ELMO1: variants seen among roughly 807,000 people sequenced by gnomAD.
The protein encoded by ELMO1 is engulfment and cell motility 1, also known as engulfment and cell motility protein 1.
In ELMO1, 26 loss-of-function variants were observed where a neutral mutation model predicts 98.9. That is an observed-to-expected ratio of 0.26 (90% CI 0.19 to 0.36). ELMO1 has a LOEUF of 0.36. Ranked by LOEUF, ELMO1 falls within the 10% of genes least tolerant of loss-of-function variation. The pLI, the probability that ELMO1 is intolerant of heterozygous loss-of-function variation, is 1.00. For missense variants in ELMO1, 627 were observed against 935.2 expected (o/e 0.67, Z 4.30); for synonymous variants, 346 against 346.0 (o/e 1.00, Z 0.00).
intron 1 of ELMO1, among the ~76,000 whole-genome samples, chr7:37,369,035 A>C (rs1488213327): frequency 1.3e-5 from 2 of 152,240 alleles, no homozygotes; most frequent in African/African-American, 4.8e-5. Context: ...ATAAAGCAAT[A>C]AAAGTTATTG....
intron 15 of ELMO1, among the ~76,000 whole-genome samples, chr7:37,077,973 T>C (rs568400975): frequency 6.6e-6 from 1 of 152,324 alleles, no homozygotes; most frequent in South Asian, 2.1e-4. Flanking sequence ...CTTTTATTTT[T>C]TATGTCATAA....
intron 14 of ELMO1, among the ~76,000 whole-genome samples, chr7:37,129,413 G>T: frequency 6.6e-6 from 1 of 152,090 alleles, no homozygotes; most frequent in Admixed American, 6.6e-5. Flanking sequence ...TGATGTCTAC[G>T]TGGGTCTCAG....
At chr7:36,939,849 C>A (rs1038949821) in intron 16 of ELMO1, among the ~76,000 whole-genome samples, 3 of 152,172 alleles carry the variant, frequency 2.0e-5, no homozygotes, top group Non-Finnish European at 4.4e-5. Context: ...GGCATCTGAC[C>A]CACAATAAGA....
chr7:37,149,635 G>A (rs1788229306), intron 13 of ELMO1, among the ~76,000 whole-genome samples: 1 of 152,146 alleles, frequency 6.6e-6, no homozygotes, highest in South Asian at 2.1e-4. Context: ...GAATCCAGAA[G>A]CTGTGACACA....
chr7:36,977,548 T>A (rs1790661796), intron 16 of ELMO1, among the ~76,000 whole-genome samples: 1 of 152,386 alleles, frequency 6.6e-6, no homozygotes, highest in African/African-American at 2.4e-5. Flanking sequence ...TAGATCACTT[T>A]AGTTGCAAAT....
chr7:36,979,669 G>C (rs1790880834), intron 16 of ELMO1, among the ~76,000 whole-genome samples: 1 of 152,184 alleles, frequency 6.6e-6, no homozygotes, highest in South Asian at 2.1e-4. Context: ...AATGTTGGTG[G>C]TTTTCAAACC....
intron 15 of ELMO1, among the ~76,000 whole-genome samples, chr7:37,077,890 G>A (rs1026194452): frequency 2.0e-5 from 3 of 152,198 alleles, no homozygotes; most frequent in African/African-American, 7.2e-5. Context: ...TGTACCTCCT[G>A]CCTTCGTGAG....
chr7:36,967,091 AC>A (rs1324873880), intron 16 of ELMO1, among the ~76,000 whole-genome samples: 2 of 152,230 alleles, frequency 1.3e-5, no homozygotes, highest in African/African-American at 4.8e-5. Context: ...GGACATTATA[AC>A]AAACGCCTCT....
intron 10 of ELMO1, 87 bp from the exon 11 acceptor site, chr7:37,216,782 G>A: frequency 7.4e-7 from 1 of 1,358,502 alleles, no homozygotes; most frequent in East Asian, 2.3e-5. Flanking sequence ...CCTGGGGTGT[G>A]CTTCGTAACT....
chr7:36,935,139 G>A (rs1786406302), intron 16 of ELMO1, among the ~76,000 whole-genome samples: 1 of 152,132 alleles, frequency 6.6e-6, no homozygotes, highest in Admixed American at 6.5e-5. Context: ...TTGAATCATG[G>A]GGGCGGTTCC....
intron 15 of ELMO1, among the ~76,000 whole-genome samples, chr7:37,083,072 G>C (rs144289967): frequency 9.2e-5 from 14 of 152,144 alleles, no homozygotes; most frequent in African/African-American, 3.4e-4. Context: ...GCATTTCCCC[G>C]CCTAGGAACA....
In ELMO1 at chr7:36,953,097, C is replaced by G. The variant is rs547218917; in HGVS notation, c.1438-58080G>C. On this transcript the variant is annotated intron_variant, in intron 16 of 21. Transcript: ENST00000310758. Reference sequence around the variant, plus strand: ...TCTCCTGCCTCAGCCTCCCGAGTAGCTGGGACTACAGGCACCCGCCACCAC... The same window carrying G: ...TCTCCTGCCTCAGCCTCCCGAGTAGGTGGGACTACAGGCACCCGCCACCAC... 5.3e-5 allele frequency among the ~76,000 whole-genome samples: 8 copies of G among 151,264 alleles called. No individual in the cohort carries two copies. The Admixed American group carries it at 5.3e-4, about 10-fold the overall frequency.
intron 17 of ELMO1, among the ~76,000 whole-genome samples, chr7:36,892,272 G>A (rs1805622744): frequency 6.6e-6 from 1 of 152,170 alleles, no homozygotes. Context: ...TCAGGCCCCA[G>A]CCAAGTTGCT....
intron 1 of ELMO1, among the ~76,000 whole-genome samples, chr7:37,355,303 C>T (rs758364169): frequency 4.6e-5 from 7 of 152,156 alleles, no homozygotes; most frequent in Admixed American, 1.3e-4. Context: ...GATAAAATAT[C>T]TATAAAGCAA....
intron 20 of ELMO1, among the ~76,000 whole-genome samples, chr7:36,864,041 T>A (rs1802838557): frequency 6.6e-6 from 1 of 152,186 alleles, no homozygotes; most frequent in Non-Finnish European, 1.5e-5. Context: ...GAGGGGGCCC[T>A]TGGAGGTAAA....
intron 1 of ELMO1, among the ~76,000 whole-genome samples, chr7:37,374,686 G>A (rs1209098103): frequency 6.6e-6 from 1 of 152,160 alleles, no homozygotes; most frequent in Non-Finnish European, 1.5e-5. Context: ...AGGAGCCGGA[G>A]GTTGCAGTGA....
At chr7:36,909,282 C>G (rs1784182305) in intron 16 of ELMO1, among the ~76,000 whole-genome samples, 1 of 152,160 alleles carries the variant, frequency 6.6e-6, no homozygotes, top group Admixed American at 6.5e-5. Context: ...AAATGAAATC[C>G]ATCCACCAAG....
chr7:36,855,498 C>T lies in ELMO1; in HGVS notation c.*53G>A. 6.2e-7 allele frequency: 1 copy of T among 1,608,280 alleles called. No individual in the cohort carries two copies. Among genetic ancestry groups the T allele is most frequent in the South Asian group, 1.1e-5 (1 of 90,814 alleles). On this transcript the variant is annotated 3_prime_UTR_variant, in exon 22 of 22. Coordinates refer to ENST00000310758, the MANE Select transcript of ELMO1 (RefSeq NM_014800.11). The surrounding 1 kb of genome is among the most constrained non-coding windows in gnomAD (Gnocchi z 4.2). ...CGTGGGTGTGTTTTCATTCCTCTCT[C>T]CTGTTAGCTAGGTGTTCCAGTTTTG...
intron 16 of ELMO1, among the ~76,000 whole-genome samples, chr7:37,009,393 A>C (rs908575112): frequency 2.0e-5 from 3 of 152,204 alleles, no homozygotes; most frequent in African/African-American, 7.2e-5. Context: ...TCACTCTTCA[A>C]TTCTACTTCT....
Sources: allele counts gnomAD v4.1 joint callset (sites outside exome capture counted in the v4.1 genomes callset), GRCh38; gene constraint gnomAD v4.1.1; non-coding constraint Gnocchi (gnomAD v3.1); transcripts MANE v1.5; gene names NCBI Gene and HGNC (gene_info 2026-07-23, HGNC 2026-07-21).